The following CAMK2A variants were observed in gnomAD, a reference collection of about 807,000 sequenced individuals.
CAMK2A encodes calcium/calmodulin-dependent protein kinase type II subunit alpha.
Under a neutral mutation model 79.2 loss-of-function variants are expected in CAMK2A, and 7 were observed. The ratio of observed to expected loss-of-function variants is 0.09; its 90% CI spans 0.05 to 0.17. The LOEUF is 0.17. Among genes scored for constraint, CAMK2A ranks in the 10% least tolerant of loss-of-function variants. The pLI, the probability that CAMK2A is intolerant of heterozygous loss-of-function variation, is 1.00. For missense variants in CAMK2A, 214 were observed against 646.4 expected, an observed-to-expected ratio of 0.33 and a Z score of 7.25; for synonymous variants, 242 against 251.7, an observed-to-expected ratio of 0.96 and a Z score of 0.36.
At chr5:150,231,991 G>C (rs1754863453) in intron 15 of CAMK2A, among the ~76,000 whole-genome samples, 1 of 152,202 alleles carries the variant, frequency 6.6e-6, no homozygotes, top group Non-Finnish European at 1.5e-5. Flanking sequence ...CATTTGCTGA[G>C]ACCTGGCCCT....
chr5:150,225,113 TA>T (rs1198782646), intron 17 of CAMK2A, among the ~76,000 whole-genome samples: 111 of 86,158 alleles, frequency 1.3e-3, no homozygotes, highest in Admixed American at 1.5e-3. Context: ...TAGATAAAAT[TA>T]AAAAAAAAAA....
rs1754234357 is a variant in CAMK2A at position 150,220,146 on chromosome 5, G to C, written c.*2564C>G. 1 of 152,510 alleles carries C rather than the reference G, an allele frequency of 6.6e-6. No individual in the cohort carries two copies. Among genetic ancestry groups the C allele is most frequent in the African/African-American group, 2.4e-5 (1 of 41,466 alleles). 9.4% of individuals were successfully genotyped at this position (152,510 alleles called of 1,614,324 possible). On this transcript the variant is annotated 3_prime_UTR_variant, in exon 19 of 19. Coordinates refer to ENST00000671881, the MANE Select transcript of CAMK2A (RefSeq NM_015981.4). ...GTGGACAGGAGGTGTGTCAGCCAAT[G>C]AAAGGCAGGACCTCAGGCTCCTCCA...
chr5:150,289,226 T>C (rs1352209786), intron 1 of CAMK2A, among the ~76,000 whole-genome samples: 3 of 152,094 alleles, frequency 2.0e-5, no homozygotes, highest in African/African-American at 7.2e-5. Context: ...ACTAGGAAAA[T>C]CCCTTTTTAA....
chr5:150,286,343 G>C (rs1312603777), intron 1 of CAMK2A, among the ~76,000 whole-genome samples: 2 of 152,198 alleles, frequency 1.3e-5, no homozygotes, highest in African/African-American at 4.8e-5. Flanking sequence ...TGGGGCCCTG[G>C]CCCCAGTCAC....
intron 16 of CAMK2A, among the ~76,000 whole-genome samples, chr5:150,230,282 C>A (rs1360149609): frequency 2.5e-5 from 3 of 122,346 alleles, no homozygotes; most frequent in African/African-American, 3.3e-5. Flanking sequence ...CGTGCCACTG[C>A]ACTATAGTCT....
chr5:150,252,756 A>C (rs1755890492), intron 7 of CAMK2A, among the ~76,000 whole-genome samples: 1 of 152,216 alleles, frequency 6.6e-6, no homozygotes, highest in South Asian at 2.1e-4. Flanking sequence ...GCCTGGTCAC[A>C]TTTAATTCTG....
chr5:150,281,156 A>T (rs1757199961), intron 1 of CAMK2A, among the ~76,000 whole-genome samples: 1 of 152,160 alleles, frequency 6.6e-6, no homozygotes, highest in Non-Finnish European at 1.5e-5. Context: ...CATGGCAGTT[A>T]CCTCATAATC....
intron 13 of CAMK2A, among the ~76,000 whole-genome samples, chr5:150,240,409 C>G (rs187204386): frequency 6.6e-6 from 1 of 152,290 alleles, no homozygotes; most frequent in African/African-American, 2.4e-5. Flanking sequence ...TGGTGGCTGG[C>G]CTATTCCACC....
In CAMK2A at chr5:150,221,111, TACA is replaced by T. The variant is rs1562123170; in HGVS notation, c.*1596_*1598del. 1 of 208,476 alleles carries T rather than the reference TACA, an allele frequency of 4.8e-6. No homozygotes were observed. The highest frequency in any genetic ancestry group is 2.3e-5 in the African/African-American group (1 of 43,598). 12.9% of individuals were successfully genotyped at this position (208,476 alleles called of 1,614,324 possible). A position where few individuals can be genotyped will look rare whatever the true frequency, so the allele number is the denominator to read the frequency against. On this transcript the variant is annotated 3_prime_UTR_variant, in exon 19 of 19. Transcript: ENST00000671881. ...ATAATTCCGAGTCGGACACTGAGAA[TACA>T]ACCTCTATTTTTTTTTTTAGTCCAA...
At chr5:150,245,384 G>C in intron 12 of CAMK2A, 183 bp from the exon 13 acceptor site, 1 of 607,482 alleles carries the variant, frequency 1.6e-6, no homozygotes, top group African/African-American at 2.0e-5. Flanking sequence ...TCCCTCCTTG[G>C]AGGCCCAGGG....
At chr5:150,245,374 T>TCCTCCTCCTCCC in intron 12 of CAMK2A, 173 bp from the exon 13 acceptor site, 1 of 607,198 alleles carries the variant, frequency 1.6e-6, no homozygotes, top group Non-Finnish European at 2.9e-6. Context: ...CTCCTCCTCC[T>TCCTCCTCCTCCC]CCCTCCTTGG....
intron 3 of CAMK2A, among the ~76,000 whole-genome samples, chr5:150,263,764 C>T (rs980956956): frequency 4.6e-5 from 7 of 152,236 alleles, no homozygotes; most frequent in African/African-American, 1.7e-4. Flanking sequence ...CCCCCTCCAT[C>T]ACACAGCTGG....
At chr5:150,250,655 C>A (rs1271706283) in intron 10 of CAMK2A, 33 bp downstream of exon 10, 2 of 1,612,664 alleles carry the variant, frequency 1.2e-6, no homozygotes, top group African/African-American at 2.7e-5. Context: ...TCTGGAGGGG[C>A]TCCTGGGAGA....
intron 17 of CAMK2A, among the ~76,000 whole-genome samples, chr5:150,226,478 T>C (rs1017662178): frequency 6.6e-6 from 1 of 152,110 alleles, no homozygotes; most frequent in South Asian, 2.1e-4. Context: ...GGCTAACACC[T>C]GTAATCCCAG....
chr5:150,288,882 G>A (rs1757545547), intron 1 of CAMK2A, among the ~76,000 whole-genome samples: 1 of 152,200 alleles, frequency 6.6e-6, no homozygotes, highest in Non-Finnish European at 1.5e-5. Context: ...TGCTTGTCCA[G>A]AGCCACTGCA....
At position 150,221,474 on chromosome 5, in the gene CAMK2A, G is replaced by A. The variant is rs1754305513; in HGVS notation, c.*1236C>T. On this transcript the variant is annotated 3_prime_UTR_variant, in exon 19 of 19. Transcript: ENST00000671881. ...GCTGGGGGCGGCACACAGATATGGT[G>A]AGATGAAATCCTGGGAAGTTCGGTA... 5.0e-6 allele frequency: 2 copies of A among 398,604 alleles called. No homozygotes were observed. Among genetic ancestry groups the A allele is most frequent in the Non-Finnish European group, 8.8e-6 (2 of 226,082 alleles). 24.7% of individuals were successfully genotyped at this position (398,604 alleles called of 1,614,324 possible).
intron 11 of CAMK2A, among the ~76,000 whole-genome samples, 167 bp from the exon 12 acceptor site, chr5:150,247,981 C>G (rs1419715464): frequency 6.6e-6 from 1 of 152,166 alleles, no homozygotes; most frequent in Non-Finnish European, 1.5e-5. Context: ...CAACCCCAGC[C>G]CAGAGCCCAT....
At chr5:150,250,435 G>T in intron 10 of CAMK2A, 126 bp from the exon 11 acceptor site, 3 of 862,758 alleles carry the variant, frequency 3.5e-6, no homozygotes, top group Non-Finnish European at 5.6e-6. Context: ...ACGATTCATT[G>T]CTCTAGGAGA....
chr5:150,272,141 G>A (rs1756772061), intron 2 of CAMK2A, among the ~76,000 whole-genome samples: 1 of 152,284 alleles, frequency 6.6e-6, no homozygotes, highest in South Asian at 2.1e-4. Flanking sequence ...CTAGGTGCTG[G>A]GTGCAGAGTA....
Sources: allele counts gnomAD v4.1 joint callset (sites outside exome capture counted in the v4.1 genomes callset), GRCh38; gene constraint gnomAD v4.1.1; transcripts MANE v1.5; gene names NCBI Gene and HGNC (gene_info 2026-07-23, HGNC 2026-07-21).